AUTS2: variants seen among roughly 807,000 people sequenced by gnomAD.
AUTS2 encodes autism susceptibility gene 2 protein.
A neutral mutation model predicts 112.4 loss-of-function variants in AUTS2; 17 were observed. That is an observed-to-expected ratio of 0.15 (90% CI 0.10 to 0.23). The LOEUF (loss-of-function observed/expected upper bound fraction) is 0.23, where lower values mean the gene tolerates loss of function less well. Among genes scored for constraint, AUTS2 ranks in the 10% least tolerant of loss-of-function variants. The pLI, the probability that AUTS2 is intolerant of heterozygous loss-of-function variation, is 1.00. For missense variants in AUTS2, 1,510 were observed against 1,701.6 expected, an observed-to-expected ratio of 0.89 and a Z score of 1.98; for synonymous variants, 751 against 702.7, an observed-to-expected ratio of 1.07 and a Z score of -1.09.
intron 2 of AUTS2, among the ~76,000 whole-genome samples, chr7:69,904,209 A>G (rs549885384): frequency 1.3e-5 from 2 of 152,308 alleles, no homozygotes; most frequent in East Asian, 1.9e-4. Flanking sequence ...ATCCCAGCCC[A>G]TGCTCTTTCC....
At chr7:70,714,388 A>G (rs1021464380) in intron 6 of AUTS2, among the ~76,000 whole-genome samples, 2 of 152,138 alleles carry the variant, frequency 1.3e-5, no homozygotes, top group Non-Finnish European at 2.9e-5. Context: ...TCATTTTACG[A>G]CTACATACTT....
intron 2 of AUTS2, among the ~76,000 whole-genome samples, chr7:69,912,934 C>T (rs899712375): frequency 9.2e-5 from 14 of 152,274 alleles, no homozygotes; most frequent in African/African-American, 3.4e-4. Context: ...TGCTATTGTA[C>T]TCTGGTTTAA....
At chr7:69,860,451 T>A in intron 1 of AUTS2, among the ~76,000 whole-genome samples, 1 of 152,190 alleles carries the variant, frequency 6.6e-6, no homozygotes, top group East Asian at 1.9e-4. Flanking sequence ...TCCTTTCATG[T>A]CACCACCACC....
intron 5 of AUTS2, among the ~76,000 whole-genome samples, chr7:70,589,040 TG>T (rs1473294122): frequency 1.3e-5 from 2 of 152,254 alleles, no homozygotes; most frequent in Non-Finnish European, 2.9e-5. Context: ...AAACATTTGT[TG>T]GATACCCCAT....
At chr7:70,270,645 A>G (rs1787646234) in intron 4 of AUTS2, among the ~76,000 whole-genome samples, 1 of 152,144 alleles carries the variant, frequency 6.6e-6, no homozygotes, top group Non-Finnish European at 1.5e-5. Flanking sequence ...TCTGTGGAAG[A>G]ATATCTTGGA....
intron 5 of AUTS2, among the ~76,000 whole-genome samples, chr7:70,551,750 A>T (rs1327567431): frequency 6.6e-6 from 1 of 152,196 alleles, no homozygotes; most frequent in Non-Finnish European, 1.5e-5. Context: ...CATTACTTCT[A>T]ACACACATGA....
chr7:70,207,231 C>T (rs1810618483), intron 4 of AUTS2, among the ~76,000 whole-genome samples: 1 of 152,154 alleles, frequency 6.6e-6, no homozygotes, highest in Non-Finnish European at 1.5e-5. Flanking sequence ...CCTGGACACA[C>T]ATAAATCTCT....
intron 4 of AUTS2, among the ~76,000 whole-genome samples, chr7:70,312,286 T>C (rs1789796511): frequency 6.6e-6 from 1 of 151,944 alleles, no homozygotes; most frequent in South Asian, 2.1e-4. Context: ...ATTTAGCTTA[T>C]TTTTTTCTTC....
chr7:70,006,574 C>T (rs1186895781), intron 2 of AUTS2, among the ~76,000 whole-genome samples: 1 of 152,174 alleles, frequency 6.6e-6, no homozygotes, highest in East Asian at 1.9e-4. Flanking sequence ...CTACTTCTTG[C>T]ACCAGCTGCT....
chr7:69,819,244 C>T (rs1036373039), intron 1 of AUTS2, among the ~76,000 whole-genome samples: 5 of 152,176 alleles, frequency 3.3e-5, no homozygotes, highest in East Asian at 1.9e-4. Flanking sequence ...TGATTCAAGT[C>T]GAGGAAGCTT....
At chr7:69,978,308 G>A (rs1365980270) in intron 2 of AUTS2, among the ~76,000 whole-genome samples, 1 of 152,086 alleles carries the variant, frequency 6.6e-6, no homozygotes, top group African/African-American at 2.4e-5. Context: ...TGTCTTTTCA[G>A]TATTTTTCTT....
At chr7:69,660,404 C>T (rs907300068) in intron 1 of AUTS2, among the ~76,000 whole-genome samples, 1 of 151,988 alleles carries the variant, frequency 6.6e-6, no homozygotes, top group Admixed American at 6.6e-5. Context: ...ACTTCTGAAC[C>T]TTTTTAGACT....
At chr7:69,640,809 G>C (rs1475544339) in intron 1 of AUTS2, among the ~76,000 whole-genome samples, 1 of 152,204 alleles carries the variant, frequency 6.6e-6, no homozygotes, top group African/African-American at 2.4e-5. Context: ...TAATAATATG[G>C]AATAAATAGA....
intron 2 of AUTS2, among the ~76,000 whole-genome samples, chr7:70,023,572 G>C (rs950769307): frequency 6.6e-6 from 1 of 152,188 alleles, no homozygotes; most frequent in African/African-American, 2.4e-5. Flanking sequence ...ATGAGTTAAT[G>C]AATGTAAAGC....
At chr7:70,162,146 A>AT (rs1808107777) in intron 4 of AUTS2, among the ~76,000 whole-genome samples, 1 of 152,098 alleles carries the variant, frequency 6.6e-6, no homozygotes, top group South Asian at 2.1e-4. Context: ...TTCTGGATAG[A>AT]TTTAAGAAAT....
intron 1 of AUTS2, among the ~76,000 whole-genome samples, chr7:69,708,182 C>T (rs1798150359): frequency 6.6e-6 from 1 of 152,048 alleles, no homozygotes; most frequent in Non-Finnish European, 1.5e-5. Flanking sequence ...TTACCAAGCC[C>T]AGTGTGATAT....
At chr7:70,546,809 G>C (rs1199182782) in intron 5 of AUTS2, among the ~76,000 whole-genome samples, 1 of 152,016 alleles carries the variant, frequency 6.6e-6, no homozygotes, top group African/African-American at 2.4e-5. Flanking sequence ...AATCATTCAG[G>C]TACAGCCAGA....
At chr7:69,772,695 A>T (rs960436450) in intron 1 of AUTS2, among the ~76,000 whole-genome samples, 1 of 152,192 alleles carries the variant, frequency 6.6e-6, no homozygotes, top group South Asian at 2.1e-4. Context: ...TGGCCTCCCA[A>T]AGTGCTGAGA....
intron 1 of AUTS2, among the ~76,000 whole-genome samples, chr7:69,659,059 G>C (rs1795670122): frequency 6.6e-6 from 1 of 152,184 alleles, no homozygotes; most frequent in South Asian, 2.1e-4. Context: ...GCAGATGTTT[G>C]GTGACCTTGA....
Sources: gnomAD v4.1 joint callset for allele counts (sites outside exome capture counted in the v4.1 genomes callset) on GRCh38, gnomAD v4.1.1 for gene constraint, MANE v1.5 for transcripts, NCBI Gene and HGNC (gene_info 2026-07-23, HGNC 2026-07-21) for gene names.